Variants in PPARD observed in about 807,000 individuals in gnomAD.
PPARD encodes peroxisome proliferator-activated receptor delta.
In PPARD, 6 loss-of-function variants were observed where a neutral mutation model predicts 39.5. The ratio of observed to expected loss-of-function variants is 0.15; its 90% CI spans 0.08 to 0.30. The LOEUF (loss-of-function observed/expected upper bound fraction) is 0.30, where lower values mean the gene tolerates loss of function less well. Among genes scored for constraint, PPARD ranks in the 10% least tolerant of loss-of-function variants. PPARD has a pLI of 1.00. For synonymous variants in PPARD, 210 were observed against 231.3 expected (o/e 0.91, Z 0.83); for missense variants, 397 against 596.8 (o/e 0.67, Z 3.49).
chr6:35,413,247 C>T (rs927775310), intron 3 of PPARD, among the ~76,000 whole-genome samples: 6 of 152,146 alleles, frequency 3.9e-5, no homozygotes, highest in Non-Finnish European at 5.9e-5. Context: ...CAGGCAGCTT[C>T]GTTGTGGGAT....
chr6:35,389,107 G>A (rs1763852480), intron 2 of PPARD, among the ~76,000 whole-genome samples: 2 of 152,208 alleles, frequency 1.3e-5, no homozygotes, highest in African/African-American at 4.8e-5. Context: ...GAGCCTAGGA[G>A]GCTGAGGCTG....
At chr6:35,396,501 G>T (rs1465433388) in intron 2 of PPARD, among the ~76,000 whole-genome samples, 1 of 141,864 alleles carries the variant, frequency 7.0e-6, no homozygotes, top group Admixed American at 7.0e-5. Context: ...ACCGCGCCTA[G>T]CCCTATTTCT....
At chr6:35,419,102 C>T (rs1373124225) in intron 3 of PPARD, among the ~76,000 whole-genome samples, 2 of 152,132 alleles carry the variant, frequency 1.3e-5, no homozygotes, top group Non-Finnish European at 2.9e-5. Flanking sequence ...CTTCGGTCCC[C>T]CAACATCCCC....
intron 2 of PPARD, among the ~76,000 whole-genome samples, chr6:35,369,991 A>G (rs988723681): frequency 6.6e-6 from 1 of 152,218 alleles, no homozygotes; most frequent in Admixed American, 6.5e-5. Context: ...AAGGATATTA[A>G]TAAATGTTGC....
At chr6:35,372,533 A>G (rs1340047077) in intron 2 of PPARD, among the ~76,000 whole-genome samples, 1 of 152,180 alleles carries the variant, frequency 6.6e-6, no homozygotes, top group Non-Finnish European at 1.5e-5. Flanking sequence ...CGCTCAACCT[A>G]TACTTGGAGG....
At chr6:35,362,331 G>A (rs1165582975) in intron 2 of PPARD, among the ~76,000 whole-genome samples, 1 of 152,030 alleles carries the variant, frequency 6.6e-6, no homozygotes, top group Non-Finnish European at 1.5e-5. Context: ...TGATGTTATT[G>A]CCAGACTTGC....
At chr6:35,410,896 A>G (rs544845988) in intron 2 of PPARD, 91 bp from the exon 3 acceptor site, 3 of 1,244,214 alleles carry the variant, frequency 2.4e-6, no homozygotes, top group Admixed American at 4.2e-5. Context: ...AACCCCCTCC[A>G]TGACAGCAGC....
At chr6:35,400,753 T>C (rs1213566553) in intron 2 of PPARD, among the ~76,000 whole-genome samples, 1 of 151,984 alleles carries the variant, frequency 6.6e-6, no homozygotes, top group South Asian at 2.1e-4. Flanking sequence ...TGAGCTGTGA[T>C]TGTGCCACTG....
At chr6:35,356,845 G>T (rs927102177) in intron 2 of PPARD, among the ~76,000 whole-genome samples, 1 of 152,150 alleles carries the variant, frequency 6.6e-6, no homozygotes, top group Admixed American at 6.5e-5. Flanking sequence ...AATAAACCTG[G>T]TAATAGAAGC....
intron 2 of PPARD, among the ~76,000 whole-genome samples, chr6:35,407,956 C>T (rs1016019741): frequency 2.6e-5 from 4 of 152,090 alleles, no homozygotes; most frequent in Non-Finnish European, 2.9e-5. Context: ...ATTAGGATTG[C>T]GTTCAGTTGC....
chr6:35,371,310 C>T (rs921463452), intron 2 of PPARD, among the ~76,000 whole-genome samples: 1 of 152,124 alleles, frequency 6.6e-6, no homozygotes, highest in Non-Finnish European at 1.5e-5. Context: ...GTTCCTCTTC[C>T]TCTTTCCGCT....
intron 3 of PPARD, among the ~76,000 whole-genome samples, chr6:35,419,778 C>G (rs146394147): frequency 1.3e-5 from 2 of 152,320 alleles, no homozygotes; most frequent in South Asian, 4.1e-4. Context: ...TCTGCTTTCT[C>G]TCTCTTGCTT....
intron 2 of PPARD, among the ~76,000 whole-genome samples, chr6:35,350,380 G>A (rs1342807285): frequency 6.6e-6 from 1 of 152,128 alleles, no homozygotes; most frequent in Non-Finnish European, 1.5e-5. Flanking sequence ...TACTTTCATG[G>A]TTTGAAGTCT....
chr6:35,422,071 G>A (rs376482728), intron 5 of PPARD, 113 bp downstream of exon 5: 26 of 1,265,156 alleles, frequency 2.1e-5, no homozygotes, highest in African/African-American at 7.5e-5. Flanking sequence ...AGTGCCTGGC[G>A]CACAGTAAGC....
chr6:35,403,355 T>C (rs1377398938), intron 2 of PPARD, among the ~76,000 whole-genome samples: 2 of 152,342 alleles, frequency 1.3e-5, no homozygotes, highest in Non-Finnish European at 2.9e-5. Context: ...GGTGGTAGTA[T>C]TCCAGTTTTA....
rs1467124394 is a variant in PPARD, at chr6:35,426,286, T to A, written c.*207T>A. 4.8e-6 allele frequency: 3 copies of A among 625,572 alleles called. No homozygotes were observed. The highest frequency in any genetic ancestry group is 3.7e-5 in the African/African-American group (2 of 54,192). The allele number at this position is 625,572 out of a possible 1,614,324, so 38.8% of individuals were successfully genotyped here. A position where few individuals can be genotyped will look rare whatever the true frequency, so the allele number is the denominator to read the frequency against. ...CAGCCAGCTCTCTTCCTGTCTTTGT[T>A]GTCTCCCTCTTTCTCAGTTCCTCTT... On this transcript the variant is annotated 3_prime_UTR_variant, in exon 8 of 8. Coordinates refer to ENST00000360694, the MANE Select transcript of PPARD (RefSeq NM_006238.5).
At chr6:35,403,970 G>C (rs929394743) in intron 2 of PPARD, among the ~76,000 whole-genome samples, 2 of 152,204 alleles carry the variant, frequency 1.3e-5, no homozygotes, top group Non-Finnish European at 2.9e-5. Flanking sequence ...GCTGTCTTCA[G>C]CACACAGGAG....
rs1762048305 is a variant in PPARD at position 35,363,843 on chromosome 6, A to G, written c.-102+16693A>G. Among the ~76,000 whole-genome samples, 1 of 152,114 alleles carries G rather than the reference A, an allele frequency of 6.6e-6. No homozygotes were observed. The highest frequency in any genetic ancestry group is 2.4e-5 in the African/African-American group (1 of 41,510). On this transcript the variant is annotated intron_variant, in intron 2 of 7. Coordinates refer to ENST00000360694, the MANE Select transcript of PPARD (RefSeq NM_006238.5). The surrounding 1 kb of genome is among the most constrained non-coding windows in gnomAD (Gnocchi z 4.5). Reference sequence around the variant, plus strand: ...TATTTTTATAGCATAAAATTAAGATATAGTTCACATAACCAAATTCACCAC... The same window carrying G: ...TATTTTTATAGCATAAAATTAAGATGTAGTTCACATAACCAAATTCACCAC...
chr6:35,380,461 T>TTTTTTTTTG (rs1562190189), intron 2 of PPARD, among the ~76,000 whole-genome samples: 16 of 2,334 alleles, frequency 6.9e-3, no homozygotes, highest in Admixed American at 0.011. Flanking sequence ...AACCTCGTGT[T>TTTTTTTTTG]TTTTTTTTTT....
Sources: gnomAD v4.1 joint callset for allele counts (sites outside exome capture counted in the v4.1 genomes callset) on GRCh38, gnomAD v4.1.1 for gene constraint, Gnocchi (gnomAD v3.1) non-coding constraint, MANE v1.5 for transcripts, NCBI Gene and HGNC (gene_info 2026-07-23, HGNC 2026-07-21) for gene names.